LRRTM4: variants seen among roughly 807,000 people sequenced by gnomAD.
LRRTM4 encodes the protein leucine rich repeat transmembrane neuronal 4.
LRRTM4 carries 25 observed loss-of-function variants against 47.6 expected under a neutral mutation model. The ratio of observed to expected loss-of-function variants is 0.53; its 90% CI spans 0.38 to 0.73. The LOEUF is 0.73. LRRTM4 is among the 30% of genes least tolerant of loss of function. The pLI, the probability that LRRTM4 is intolerant of heterozygous loss-of-function variation, is 0.00. For missense variants in LRRTM4, 638 were observed against 713.4 expected (o/e 0.89, Z 1.20); for synonymous variants, 311 against 269.5 (o/e 1.15, Z -1.51).
At chr2:77,499,213 A>C (rs922160184) in intron 3 of LRRTM4, among the ~76,000 whole-genome samples, 1 of 151,872 alleles carries the variant, frequency 6.6e-6, no homozygotes, top group African/African-American at 2.4e-5. Flanking sequence ...TGTTTACCAC[A>C]ATGCTCAGGA....
chr2:76,845,122 A>C (rs1671800677), intron 3 of LRRTM4, among the ~76,000 whole-genome samples: 1 of 152,222 alleles, frequency 6.6e-6, no homozygotes, highest in African/African-American at 2.4e-5. Flanking sequence ...ACCTGACTGT[A>C]AACAAACTGA....
intron 3 of LRRTM4, among the ~76,000 whole-genome samples, chr2:77,210,749 T>C (rs1183045142): frequency 6.6e-6 from 1 of 152,150 alleles, no homozygotes; most frequent in African/African-American, 2.4e-5. Context: ...GAGAGCCTGT[T>C]TGAAGTTCCA....
chr2:77,340,765 T>C (rs552108931), intron 3 of LRRTM4, among the ~76,000 whole-genome samples: 14 of 152,056 alleles, frequency 9.2e-5, no homozygotes, highest in African/African-American at 3.4e-4. Context: ...TCAATATTCT[T>C]TTCAGGCATT....
At chr2:77,512,363 C>A (rs1327028292) in intron 3 of LRRTM4, among the ~76,000 whole-genome samples, 2 of 152,030 alleles carry the variant, frequency 1.3e-5, no homozygotes, top group Non-Finnish European at 2.9e-5. Context: ...TTATGGAGTG[C>A]ATGAGAAAAA....
chr2:76,851,244 C>T (rs1453515877), intron 3 of LRRTM4, among the ~76,000 whole-genome samples: 1 of 152,132 alleles, frequency 6.6e-6, no homozygotes, highest in African/African-American at 2.4e-5. Flanking sequence ...TTGTCAGATG[C>T]TCTGGTTTTA....
chr2:77,249,996 A>G (rs2104011352), intron 3 of LRRTM4, among the ~76,000 whole-genome samples: 1 of 152,346 alleles, frequency 6.6e-6, no homozygotes, highest in Admixed American at 6.5e-5. Context: ...GCTGAAAAGA[A>G]GTGAGCTATC....
chr2:77,125,397 T>A lies in LRRTM4; in HGVS notation c.1552-376481A>T, dbSNP rs111905489. ...GAGTACAGTCCTTACTAGGGCCAAC[T>A]TTCTCACTTTTGTCATTGGAGTGTG... On this transcript the variant is annotated intron_variant, in intron 3 of 3. Coordinates refer to ENST00000409884, the MANE Select transcript of LRRTM4 (RefSeq NM_001134745.3). 2.1e-3 allele frequency among the ~76,000 whole-genome samples: 320 copies of A among 152,314 alleles called. 2 individuals carry two copies. The highest frequency in any genetic ancestry group is 7.3e-3 in the African/African-American group (302 of 41,580).
intron 3 of LRRTM4, among the ~76,000 whole-genome samples, chr2:77,223,466 T>C (rs1025997389): frequency 6.6e-6 from 1 of 152,174 alleles, no homozygotes; most frequent in African/African-American, 2.4e-5. Flanking sequence ...AACCCCATTG[T>C]CTCAGCCCAA....
At chr2:76,853,775 A>G (rs780462163) in intron 3 of LRRTM4, among the ~76,000 whole-genome samples, 1 of 152,204 alleles carries the variant, frequency 6.6e-6, no homozygotes, top group African/African-American at 2.4e-5. Flanking sequence ...GAGGGCAAAG[A>G]AACAACACAT....
chr2:76,949,395 A>G (rs1340795889), intron 3 of LRRTM4, among the ~76,000 whole-genome samples: 1 of 151,968 alleles, frequency 6.6e-6, no homozygotes, highest in Non-Finnish European at 1.5e-5. Context: ...GCAGAGCAAT[A>G]CAGAGCTCAA....
At chr2:76,946,058 C>T (rs991586557) in intron 3 of LRRTM4, among the ~76,000 whole-genome samples, 5 of 151,772 alleles carry the variant, frequency 3.3e-5, no homozygotes, top group Middle Eastern at 3.2e-3. Context: ...AAGTTTCATA[C>T]ACATAGGCAC....
At chr2:77,033,378 T>C (rs113375658) in intron 3 of LRRTM4, among the ~76,000 whole-genome samples, 2,779 of 151,824 alleles carry the variant, frequency 0.018, 86 homozygotes, top group African/African-American at 0.064. Flanking sequence ...AAAGACATTT[T>C]CCATTAGTAG....
intron 3 of LRRTM4, among the ~76,000 whole-genome samples, chr2:77,210,591 T>C (rs1674263944): frequency 6.6e-6 from 1 of 152,094 alleles, no homozygotes; most frequent in African/African-American, 2.4e-5. Context: ...TCTTTACCTG[T>C]CTCTGTTGCC....
chr2:77,319,335 C>T (rs1005953669), intron 3 of LRRTM4, among the ~76,000 whole-genome samples: 2 of 151,676 alleles, frequency 1.3e-5, no homozygotes, highest in African/African-American at 4.8e-5. Flanking sequence ...TGCAGTGAGC[C>T]GAGATCGCGC....
chr2:77,203,187 C>CT (rs1674026589), intron 3 of LRRTM4, among the ~76,000 whole-genome samples: 3 of 151,778 alleles, frequency 2.0e-5, no homozygotes, highest in African/African-American at 7.3e-5. Context: ...TGAACATTTA[C>CT]TTTTTTACCC....
At chr2:77,126,663 G>T (rs1445459984) in intron 3 of LRRTM4, among the ~76,000 whole-genome samples, 1 of 152,192 alleles carries the variant, frequency 6.6e-6, no homozygotes. Context: ...GAAATGGGAA[G>T]TGACATAGGG....
At chr2:77,516,356 T>A (rs945505107) in intron 3 of LRRTM4, among the ~76,000 whole-genome samples, 3 of 151,816 alleles carry the variant, frequency 2.0e-5, no homozygotes, top group African/African-American at 7.2e-5. Flanking sequence ...GGGTTTTTGA[T>A]GGAATAATCT....
rs142701250 is a variant in LRRTM4 at position 77,046,282 on chromosome 2, G to C, written c.1552-297366C>G. Reference sequence around the variant, plus strand: ...AGTGCAGGCTGTTTCCTTCCAGGCAGATTTCACTCATTCACACTAGTCTGT... The same window carrying C: ...AGTGCAGGCTGTTTCCTTCCAGGCACATTTCACTCATTCACACTAGTCTGT... On this transcript the variant is annotated intron_variant, in intron 3 of 3. Coordinates refer to ENST00000409884, the MANE Select transcript of LRRTM4 (RefSeq NM_001134745.3). Among the ~76,000 whole-genome samples, 1,149 of 152,110 alleles carry C rather than the reference G, an allele frequency of 7.6e-3. 17 individuals carry two copies. Among genetic ancestry groups the C allele is most frequent in the African/African-American group, 0.026 (1,094 of 41,528 alleles).
intron 3 of LRRTM4, among the ~76,000 whole-genome samples, chr2:76,975,786 A>G (rs1676398725): frequency 6.6e-6 from 1 of 151,780 alleles, no homozygotes; most frequent in Non-Finnish European, 1.5e-5. Flanking sequence ...CCACATTTAC[A>G]GGAAACAAGT....
Sources: allele counts gnomAD v4.1 joint callset (sites outside exome capture counted in the v4.1 genomes callset), GRCh38; gene constraint gnomAD v4.1.1; transcripts MANE v1.5; gene names NCBI Gene and HGNC (gene_info 2026-07-23, HGNC 2026-07-21).